VPS8: variants seen among roughly 807,000 people sequenced by gnomAD.
VPS8 encodes vacuolar protein sorting-associated protein 8 homolog.
In VPS8, 129 loss-of-function variants were observed where a neutral mutation model predicts 216.4. The ratio of observed to expected loss-of-function variants is 0.60; its 90% CI spans 0.52 to 0.69. VPS8 has a LOEUF of 0.69. Ranked by LOEUF, VPS8 falls within the 30% of genes least tolerant of loss-of-function variation. VPS8 has a pLI of 0.00. For missense variants in VPS8, 1,531 were observed against 1,683.5 expected, an observed-to-expected ratio of 0.91 and a Z score of 1.59; for synonymous variants, 571 against 565.4, an observed-to-expected ratio of 1.01 and a Z score of -0.14.
intron 40 of VPS8, among the ~76,000 whole-genome samples, chr3:184,972,340 T>C (rs1161396612): frequency 6.6e-6 from 1 of 152,230 alleles, no homozygotes; most frequent in African/African-American, 2.4e-5. Context: ...AGATTTTGTG[T>C]ATGCCATGTA....
chr3:184,862,893 A>G lies in VPS8; in HGVS notation c.1225-4A>G. 1.9e-6 allele frequency: 3 copies of G among 1,609,716 alleles called. 1 individual carries two copies. The highest frequency in any genetic ancestry group is 2.7e-5 in the African/African-American group (2 of 74,932). ...TTTTGTTTTGTTGTGTGCTTGAATT[A>G]CAGTGGATAAATTCACGCACAGTTG... On this transcript the variant is annotated splice_region_variant and splice_polypyrimidine_tract_variant and intron_variant, in intron 15 of 47. Coordinates refer to ENST00000625842, the MANE Select transcript of VPS8 (RefSeq NM_001009921.3).
At chr3:184,885,452 G>A (rs2108866254) in intron 21 of VPS8, among the ~76,000 whole-genome samples, 1 of 152,266 alleles carries the variant, frequency 6.6e-6, no homozygotes, top group Non-Finnish European at 1.5e-5. Context: ...ATACGTGTGT[G>A]TACATGATGA....
At chr3:184,857,075 G>A (rs887090600) in intron 14 of VPS8, among the ~76,000 whole-genome samples, 1 of 152,186 alleles carries the variant, frequency 6.6e-6, no homozygotes, top group African/African-American at 2.4e-5. Context: ...CCACTAGACA[G>A]AAAGCTCCAT....
rs142087949 is a variant in VPS8, at chr3:184,929,622, T to C, written c.2757T>C (p.Tyr919=). 328 of 1,540,380 alleles carry C rather than the reference T, an allele frequency of 2.1e-4. 1 individual carries two copies. In the East Asian group the frequency reaches 5.8e-3, roughly 27 times the overall value. ...TTATGTATGAAAGAGAACACCAATA[T>C]GATAAAATTATTGATTGCTACTTAC... ...CEFMYEREHQ[Y]DKIIDCYLRD... The change falls in exon 33 of 48, where the codon TAT becomes TAC. Residue 919 remains tyrosine, a synonymous_variant. Coordinates refer to ENST00000625842, the MANE Select transcript of VPS8 (RefSeq NM_001009921.3).
intron 43 of VPS8, among the ~76,000 whole-genome samples, chr3:184,996,045 T>C (rs1752571171): frequency 6.6e-6 from 1 of 152,248 alleles, no homozygotes; most frequent in Admixed American, 6.5e-5. Flanking sequence ...CAATACTGAA[T>C]GAAGCTGCAG....
intron 4 of VPS8, among the ~76,000 whole-genome samples, chr3:184,833,520 A>G (rs922551536): frequency 1.3e-5 from 2 of 152,118 alleles, no homozygotes; most frequent in African/African-American, 4.8e-5. Context: ...CTTCAAATAG[A>G]TAACTTAAAT....
intron 7 of VPS8, 182 bp downstream of exon 7, chr3:184,839,934 C>T: frequency 7.4e-7 from 1 of 1,351,058 alleles, no homozygotes; most frequent in Non-Finnish European, 9.5e-7. Context: ...TGTTTTGCTG[C>T]TTATTGCAAG....
At chr3:185,019,580 T>C (rs1432362581) in intron 45 of VPS8, among the ~76,000 whole-genome samples, 1 of 152,234 alleles carries the variant, frequency 6.6e-6, no homozygotes, top group East Asian at 1.9e-4. Flanking sequence ...AACAGGAACA[T>C]GTCCTTAAGG....
intron 21 of VPS8, among the ~76,000 whole-genome samples, chr3:184,875,126 T>C (rs1369969798): frequency 2.0e-5 from 3 of 151,076 alleles, no homozygotes; most frequent in Non-Finnish European, 4.4e-5. Flanking sequence ...GAAGCTATTA[T>C]TGGAGACATA....
intron 21 of VPS8, among the ~76,000 whole-genome samples, chr3:184,882,830 C>G (rs1730508776): frequency 6.6e-6 from 1 of 152,144 alleles, no homozygotes; most frequent in South Asian, 2.1e-4. Flanking sequence ...TGTAAATTGT[C>G]AAATTTATGT....
At chr3:184,895,596 TCCTC>T (rs1194063926) in intron 23 of VPS8, among the ~76,000 whole-genome samples, 9 of 41,932 alleles carry the variant, frequency 2.1e-4, no homozygotes, top group African/African-American at 3.7e-4. Context: ...CTGCTCCTCC[TCCTC>T]CCCCCCTCCT....
chr3:185,006,986 C>G (rs1754350176), intron 45 of VPS8, among the ~76,000 whole-genome samples: 1 of 152,220 alleles, frequency 6.6e-6, no homozygotes, highest in Non-Finnish European at 1.5e-5. Context: ...CCTGCCACTT[C>G]TGTCTCACTG....
chr3:184,942,763 T>A lies in VPS8; in HGVS notation c.3035+2520T>A, dbSNP rs185989233. ...TCTAAACTTATTTTTGAATTTAATG[T>A]TTGGCATTTCAATCATTTTTATGTA... On this transcript the variant is annotated intron_variant, in intron 36 of 47. Transcript: ENST00000625842. Among the ~76,000 whole-genome samples the A allele has an allele frequency of 2.3e-3, 343 of 152,356 alleles. 1 individual carries two copies. Among genetic ancestry groups the A allele is most frequent in the African/African-American group, 8.0e-3 (331 of 41,580 alleles).
intron 46 of VPS8, among the ~76,000 whole-genome samples, chr3:185,044,745 C>T (rs924438148): frequency 3.9e-5 from 6 of 152,130 alleles, no homozygotes; most frequent in Admixed American, 3.3e-4. Flanking sequence ...ACATTTTCCC[C>T]TCCTCTCTCT....
intron 31 of VPS8, among the ~76,000 whole-genome samples, 174 bp downstream of exon 31, chr3:184,926,824 A>T (rs548814660): frequency 6.6e-6 from 1 of 152,224 alleles, no homozygotes; most frequent in Admixed American, 6.5e-5. Flanking sequence ...TTAGAGGTAC[A>T]TGTGTAAGAA....
chr3:184,873,108 G>A (rs1226242923), intron 21 of VPS8, among the ~76,000 whole-genome samples: 2 of 152,126 alleles, frequency 1.3e-5, no homozygotes, highest in Non-Finnish European at 2.9e-5. Context: ...ACTATGTAAA[G>A]TATGTGACAT....
rs1027809525 is a variant in VPS8 at position 185,036,779 on chromosome 3, T to C, written c.4057-11700T>C. ...GTAATATATAGTGCATATATAGTTATATTGTTATATATAGTGCATCTAGTA... is the reference window on the plus strand; with the variant it reads ...GTAATATATAGTGCATATATAGTTACATTGTTATATATAGTGCATCTAGTA... On this transcript the variant is annotated intron_variant, in intron 46 of 47. Transcript: ENST00000625842. 9.2e-5 allele frequency among the ~76,000 whole-genome samples: 14 copies of C among 152,174 alleles called. No individual in the cohort carries two copies. The South Asian group carries it at 1.2e-3, about 14-fold the overall frequency.
intron 22 of VPS8, among the ~76,000 whole-genome samples, chr3:184,892,888 A>AAT (rs1732637357): frequency 6.6e-6 from 1 of 152,224 alleles, no homozygotes; most frequent in Non-Finnish European, 1.5e-5. Flanking sequence ...AACACATTAC[A>AAT]GAGTACAAGG....
chr3:184,898,951 T>G (rs1025613708), intron 24 of VPS8, among the ~76,000 whole-genome samples: 1 of 152,200 alleles, frequency 6.6e-6, no homozygotes, highest in African/African-American at 2.4e-5. Context: ...CTAAGAATTT[T>G]TGATACTGCA....
Sources: allele counts gnomAD v4.1 joint callset (sites outside exome capture counted in the v4.1 genomes callset), GRCh38; gene constraint gnomAD v4.1.1; transcripts MANE v1.5; gene names NCBI Gene and HGNC (gene_info 2026-07-23, HGNC 2026-07-21).